PRKCQ: variants seen among roughly 807,000 people sequenced by gnomAD.
PRKCQ encodes protein kinase C theta.
A neutral mutation model predicts 91.2 loss-of-function variants in PRKCQ; 41 were observed. The ratio of observed to expected loss-of-function variants is 0.45; its 90% CI spans 0.35 to 0.58. PRKCQ has a LOEUF of 0.58. Ranked by LOEUF, PRKCQ falls within the 20% of genes least tolerant of loss-of-function variation. PRKCQ has a pLI of 0.00. For synonymous variants in PRKCQ, 307 were observed against 316.9 expected (o/e 0.97, Z 0.33); for missense variants, 673 against 896.5 (o/e 0.75, Z 3.18).
the PRKCQ span, among the ~76,000 whole-genome samples, chr10:6,412,638 G>T: frequency 2.0e-5 from 3 of 152,354 alleles, no homozygotes; most frequent in East Asian, 1.9e-4. Context: ...TTAAGTCAGT[G>T]GGGGAAGGAC....
intron 1 of PRKCQ, among the ~76,000 whole-genome samples, chr10:6,556,143 C>T (rs1446013728): frequency 1.3e-5 from 2 of 151,952 alleles, no homozygotes; most frequent in Non-Finnish European, 2.9e-5. Flanking sequence ...TTAAAAGCAA[C>T]AAATAGGTTA....
intron 1 of PRKCQ, among the ~76,000 whole-genome samples, chr10:6,526,140 TG>T (rs1363974050): frequency 6.6e-6 from 1 of 152,224 alleles, no homozygotes; most frequent in Non-Finnish European, 1.5e-5. Context: ...TGCTAAACAA[TG>T]TTCCACAATT....
chr10:6,546,992 T>C (rs1393588890), intron 1 of PRKCQ, among the ~76,000 whole-genome samples: 1 of 152,226 alleles, frequency 6.6e-6, no homozygotes, highest in Non-Finnish European at 1.5e-5. Context: ...GAGATAATCA[T>C]GTGGTTTTTG....
At chr10:6,412,203 G>A in the PRKCQ span, among the ~76,000 whole-genome samples, 1 of 152,308 alleles carries the variant, frequency 6.6e-6, no homozygotes, top group South Asian at 2.1e-4. Flanking sequence ...ATGCCATCAT[G>A]CTTGGGAAAA....
chr10:6,568,194 G>A (rs1413469957), intron 1 of PRKCQ, among the ~76,000 whole-genome samples: 1 of 151,966 alleles, frequency 6.6e-6, no homozygotes, highest in Admixed American at 6.6e-5. Flanking sequence ...CAGCCTGGGT[G>A]ACAGAGCGAG....
rs1433319231 is a variant in PRKCQ, at chr10:6,498,266, TC to T, written c.542+129del. 9.0e-6 allele frequency: 11 copies of T among 1,218,642 alleles called. No homozygotes were observed. In the African/African-American group the frequency reaches 1.7e-4, roughly 18 times the overall value. 75.5% of individuals were successfully genotyped at this position (1,218,642 alleles called of 1,614,324 possible). On this transcript the variant is annotated intron_variant, in intron 5 of 17. Transcript: ENST00000263125. The stretch of plus-strand genomic sequence containing the variant: ...TTGAACCTTCTCAGTTCAGGCAAGG[TC>T]CCTGACAACGCTGAGGTAGCATTTA...
intron 11 of PRKCQ, 146 bp downstream of exon 11, chr10:6,483,294 C>CTATT: frequency 1.9e-6 from 2 of 1,047,654 alleles, no homozygotes; most frequent in Non-Finnish European, 1.4e-6. Flanking sequence ...CTCGGGGTCC[C>CTATT]TATTTATTCA....
intron 3 of PRKCQ, among the ~76,000 whole-genome samples, chr10:6,510,612 G>A (rs1180979785): frequency 1.3e-5 from 2 of 152,140 alleles, no homozygotes; most frequent in African/African-American, 2.4e-5. Context: ...TCTTGATTAA[G>A]TTTTATATAC....
At chr10:6,511,622 G>C (rs1447775807) in intron 2 of PRKCQ, among the ~76,000 whole-genome samples, 1 of 152,194 alleles carries the variant, frequency 6.6e-6, no homozygotes. Flanking sequence ...TAAAACTAGG[G>C]ATTTATATAG....
chr10:6,524,065 G>A lies in PRKCQ; in HGVS notation c.-9-8921C>T, dbSNP rs540299210. ...TATCTGTCTCTATGGCTCTGTTCAC[G>A]CCATTCCTTCTGTTTCTGAGCTCTG... is the stretch of plus-strand genomic sequence containing the variant. On this transcript the variant is annotated intron_variant, in intron 1 of 17. Transcript: ENST00000263125. Among the ~76,000 whole-genome samples the A allele has an allele frequency of 7.2e-5, 11 of 152,212 alleles. No homozygotes were observed. The South Asian group carries it at 1.2e-3, about 17-fold the overall frequency.
intron 4 of PRKCQ, among the ~76,000 whole-genome samples, chr10:6,499,520 AAAG>A (rs1837790327): frequency 6.6e-6 from 1 of 152,230 alleles, no homozygotes; most frequent in African/African-American, 2.4e-5. Flanking sequence ...AAGGAACAGT[AAAG>A]AAATAAAAAT....
the PRKCQ span, among the ~76,000 whole-genome samples, chr10:6,399,393 C>CGGA: frequency 6.6e-6 from 1 of 152,250 alleles, no homozygotes; most frequent in African/African-American, 2.4e-5. Context: ...TTTGTGCTCC[C>CGGA]TGCCTAGCCT....
intron 12 of PRKCQ, among the ~76,000 whole-genome samples, chr10:6,466,270 C>A (rs994669969): frequency 2.0e-5 from 3 of 152,206 alleles, no homozygotes; most frequent in Non-Finnish European, 4.4e-5. Flanking sequence ...CTGGAGGCAA[C>A]AGTTCAGCCC....
chr10:6,568,097 G>T (rs1232609664), intron 1 of PRKCQ, among the ~76,000 whole-genome samples: 1 of 152,050 alleles, frequency 6.6e-6, no homozygotes, highest in Non-Finnish European at 1.5e-5. Context: ...AGTTATCCAG[G>T]CATGGTGCTG....
At chr10:6,485,315 A>G (rs376122530) in intron 9 of PRKCQ, 46 bp from the exon 10 acceptor site, 1 of 1,452,564 alleles carries the variant, frequency 6.9e-7, no homozygotes, top group African/African-American at 1.4e-5. Context: ...CCCACCATTG[A>G]TGGAACAGCT....
intron 12 of PRKCQ, among the ~76,000 whole-genome samples, chr10:6,469,077 T>G (rs1835832188): frequency 6.6e-6 from 1 of 152,180 alleles, no homozygotes; most frequent in African/African-American, 2.4e-5. Flanking sequence ...AGAAAAGCAT[T>G]AAGTTGCATT....
At chr10:6,447,122 T>C (rs901785052) in intron 15 of PRKCQ, among the ~76,000 whole-genome samples, 1 of 152,030 alleles carries the variant, frequency 6.6e-6, no homozygotes, top group Non-Finnish European at 1.5e-5. Flanking sequence ...AAGTATGATG[T>C]TTCCGGCTGG....
intron 1 of PRKCQ, among the ~76,000 whole-genome samples, chr10:6,558,370 T>C (rs1165924834): frequency 3.3e-5 from 5 of 152,150 alleles, no homozygotes; most frequent in African/African-American, 1.2e-4. Flanking sequence ...AGACATACAG[T>C]ACTATTTTGT....
In PRKCQ at chr10:6,566,140, C is replaced by T. The variant is rs188864734; in HGVS notation, c.-10+14071G>A. On this transcript the variant is annotated intron_variant, in intron 1 of 17. Coordinates refer to ENST00000263125, the MANE Select transcript of PRKCQ (RefSeq NM_006257.5). ...TACCATCCCCACTAACACTGTAGAA[C>T]GAATCATGTTTTGCTGTTGCTACGG... Among the ~76,000 whole-genome samples the T allele has an allele frequency of 5.3e-5, 8 of 152,298 alleles. No individual in the cohort carries two copies. In the East Asian group the frequency reaches 1.2e-3, roughly 22 times the overall value.
Sources: gnomAD v4.1 joint callset for allele counts (sites outside exome capture counted in the v4.1 genomes callset) on GRCh38, gnomAD v4.1.1 for gene constraint, MANE v1.5 for transcripts, NCBI Gene and HGNC (gene_info 2026-07-23, HGNC 2026-07-21) for gene names.